The following POTEE variants were observed in gnomAD, a reference collection of about 807,000 sequenced individuals.
POTEE encodes the protein POTE ankyrin domain family member E.
Under a neutral mutation model 74.2 loss-of-function variants are expected in POTEE, and 21 were observed. The ratio of observed to expected loss-of-function variants is 0.28; its 90% CI spans 0.20 to 0.41. The LOEUF is 0.41. Among genes scored for constraint, POTEE ranks in the 10% least tolerant of loss-of-function variants. The pLI is 1.00. For missense variants in POTEE, 525 were observed against 1,158.6 expected (o/e 0.45, Z 7.94); for synonymous variants, 211 against 432.8 (o/e 0.49, Z 6.36).
intron 4 of POTEE, among the ~76,000 whole-genome samples, chr2:131,219,569 C>T (rs1275251792): frequency 1.3e-5 from 2 of 152,004 alleles, no homozygotes; most frequent in African/African-American, 4.8e-5. Flanking sequence ...CCCGTCTCTA[C>T]TAAAAAATAT....
chr2:131,213,301 C>T (rs957975179), intron 2 of POTEE, among the ~76,000 whole-genome samples: 2 of 151,028 alleles, frequency 1.3e-5, no homozygotes, highest in Non-Finnish European at 3.0e-5. Context: ...AGTGTCGAGC[C>T]CTCTTTTATT....
chr2:131,223,353 G>T (rs1700681845), intron 4 of POTEE, among the ~76,000 whole-genome samples: 1 of 148,612 alleles, frequency 6.7e-6, no homozygotes, highest in South Asian at 2.1e-4. Flanking sequence ...CTTCAAGTAG[G>T]ATTCCAGCCC....
chr2:131,210,382 T>G (rs191994364), intron 1 of POTEE, among the ~76,000 whole-genome samples: 173 of 146,332 alleles, frequency 1.2e-3, no homozygotes, highest in African/African-American at 3.5e-3. Context: ...ACAGGGTGTG[T>G]TGGGTGTGCT....
intron 9 of POTEE, 27 bp from the exon 10 acceptor site, chr2:131,236,705 T>C (rs1391800498): frequency 7.8e-6 from 2 of 257,440 alleles, no homozygotes; most frequent in Non-Finnish European, 1.4e-5. Context: ...TGGTTCATTT[T>C]AACTGAATAT....
At position 131,226,915 on chromosome 2, in the gene POTEE, G is replaced by T. The variant is rs1278548520; in HGVS notation, c.903G>T (p.Leu301=). The T allele has an allele frequency of 6.2e-7, 1 of 1,611,510 alleles. No homozygotes were observed. The highest frequency in any genetic ancestry group is 1.3e-5 in the African/African-American group (1 of 74,834). The change falls in exon 7 of 18, where the codon CTG becomes CTT. Residue 301 remains leucine (L), a synonymous_variant. Coordinates refer to ENST00000683005, the MANE Select transcript of POTEE (RefSeq NM_001083538.3). The part of the protein sequence containing the change: ...LIKKKANLNA[L]DRYGRTALIL... Reference sequence around the variant, plus strand: ...AGAAAAAAGCGAATTTAAATGCACTGGATAGATATGGAAGGTATAGTTCTT... The same window carrying T: ...AGAAAAAAGCGAATTTAAATGCACTTGATAGATATGGAAGGTATAGTTCTT...
rs528064420 is a variant in POTEE at position 131,218,671 on chromosome 2, C to A, written c.269C>A (p.Ala90Asp). The part of the protein sequence containing the change: ...VGASGDHDDS[A>D]MKTLRNKMGK... ...GCTTCTGGAGACCACGACGACTCTGCTATGAAGACACTCAGGAACAAGATG... is the reference window on the plus strand; with the variant it reads ...GCTTCTGGAGACCACGACGACTCTGATATGAAGACACTCAGGAACAAGATG... Residue 90 changes from alanine to aspartate, a missense_variant, in exon 4 of 18, where the codon GCT becomes GAT. By Grantham distance (126) the Ala-to-Asp change is moderately radical (BLOSUM62 -2). Transcript: ENST00000683005. 3.1e-4 allele frequency: 422 copies of A among 1,349,184 alleles called. 3 individuals are homozygous for A. The East Asian group carries it at 9.7e-3, about 31-fold the overall frequency. 83.6% of individuals were successfully genotyped at this position (1,349,184 alleles called of 1,614,324 possible).
intron 2 of POTEE, among the ~76,000 whole-genome samples, chr2:131,215,837 C>T (rs1172312030): frequency 1.5e-5 from 2 of 134,290 alleles, no homozygotes; most frequent in African/African-American, 5.7e-5. Context: ...GATTTGATGT[C>T]AAATTACAAA....
intron 4 of POTEE, among the ~76,000 whole-genome samples, chr2:131,221,900 T>A (rs902240310): frequency 6.6e-6 from 1 of 152,264 alleles, no homozygotes; most frequent in Non-Finnish European, 1.5e-5. Flanking sequence ...ATTCTTTCAA[T>A]CCATTTAGTC....
At chr2:131,222,560 CT>C (rs1441940288) in intron 4 of POTEE, among the ~76,000 whole-genome samples, 85 of 151,946 alleles carry the variant, frequency 5.6e-4, no homozygotes, top group African/African-American at 1.6e-3. Context: ...ACGTGTACCC[CT>C]GAATGTAACA....
At position 131,264,022 on chromosome 2, in the gene POTEE, G is replaced by C; in HGVS notation, c.2567G>C (p.Gly856Ala). 1 of 1,614,186 alleles carries C rather than the reference G, an allele frequency of 6.2e-7. No individual in the cohort carries two copies. The highest frequency in any genetic ancestry group is 8.5e-7 in the Non-Finnish European group (1 of 1,180,028). Residue 856 changes from glycine (G) to alanine (A), a missense_variant, in exon 18 of 18, where the codon GGT (glycine) becomes GCT (alanine). Transcript: ENST00000683005. ...GRTTGIVMDS[G>A]DGVTHTVPIY... ...ACTACTGGCATCGTGATGGACTCTG[G>C]TGACGGGGTCACCCACACTGTGCCC...
At chr2:131,232,125 CAATT>C (rs1253573418) in intron 9 of POTEE, among the ~76,000 whole-genome samples, 1 of 143,588 alleles carries the variant, frequency 7.0e-6, no homozygotes, top group African/African-American at 2.6e-5. Context: ...AGACCACAAA[CAATT>C]AAAAATACAG....
intron 1 of POTEE, among the ~76,000 whole-genome samples, 180 bp downstream of exon 1, chr2:131,209,999 G>A (rs1271268522): frequency 3.9e-4 from 47 of 120,052 alleles, no homozygotes; most frequent in African/African-American, 1.1e-3. Flanking sequence ...TACACTGCCC[G>A]TGGTGGCGGG....
At position 131,263,976 on chromosome 2, in the gene POTEE, T is replaced by G; in HGVS notation, c.2521T>G (p.Ser841Ala). The change falls in exon 18 of 18, where the codon TCC (serine) becomes GCC (alanine). Residue 841 changes from serine to alanine, a missense_variant. Transcript: ENST00000683005. ...GTACGTGGCCATCCAGGCCGTGCCG[T>G]CCCTGTACACCTCTGGCCGTACTAC... ...AMYVAIQAVP[S>A]LYTSGRTTGI... The G allele has an allele frequency of 6.2e-7, 1 of 1,614,196 alleles. No individual in the cohort carries two copies. Among genetic ancestry groups the G allele is most frequent in the Non-Finnish European group, 8.5e-7 (1 of 1,180,040 alleles).
Position 131,209,569 on chromosome 2 carries a change from C to G in POTEE, c.-595C>G, listed in dbSNP as rs114376576. 2.6e-5 allele frequency among the ~76,000 whole-genome samples: 4 copies of G among 152,326 alleles called. No homozygotes were observed. The highest frequency in any genetic ancestry group is 9.6e-5 in the African/African-American group (4 of 41,572). ...CTCTTAAGTGTGGGCGTTTGGTAAC[C>G]GGCATGGCTGCTACCTGTTTCTGGC... On this transcript the variant is annotated 5_prime_UTR_variant, in exon 1 of 18. Transcript: ENST00000683005.
At chr2:131,237,609 A>G (rs1701175204) in intron 10 of POTEE, among the ~76,000 whole-genome samples, 1 of 151,516 alleles carries the variant, frequency 6.6e-6, no homozygotes, top group Non-Finnish European at 1.5e-5. Flanking sequence ...TAATCTGGAT[A>G]CATAACACTA....
At chr2:131,211,434 C>G (rs1700354817) in intron 2 of POTEE, among the ~76,000 whole-genome samples, 1 of 143,898 alleles carries the variant, frequency 6.9e-6, no homozygotes, top group Non-Finnish European at 1.5e-5. Flanking sequence ...CCTCCCCCTT[C>G]TCTTGCAATC....
At chr2:131,237,902 A>T (rs4850275) in intron 10 of POTEE, among the ~76,000 whole-genome samples, 1 of 152,006 alleles carries the variant, frequency 6.6e-6, no homozygotes, top group Non-Finnish European at 1.5e-5. Flanking sequence ...TGGTGACCAA[A>T]TTAAGTTTGC....
intron 6 of POTEE, among the ~76,000 whole-genome samples, chr2:131,225,629 T>C (rs1242187318): frequency 6.7e-6 from 1 of 149,980 alleles, no homozygotes. Context: ...TGCAGTGGTG[T>C]GATCACAGCT....
intron 6 of POTEE, among the ~76,000 whole-genome samples, 162 bp downstream of exon 6, chr2:131,224,205 C>T (rs1700714662): frequency 6.6e-6 from 1 of 151,186 alleles, no homozygotes; most frequent in African/African-American, 2.4e-5. Flanking sequence ...AATATTGTTA[C>T]TTTCAAAGAA....
Sources: gnomAD v4.1 joint callset for allele counts (sites outside exome capture counted in the v4.1 genomes callset) on GRCh38, gnomAD v4.1.1 for gene constraint, MANE v1.5 for transcripts, NCBI Gene and HGNC (gene_info 2026-07-23, HGNC 2026-07-21) for gene names.